Variants in TDRD12 observed in about 807,000 individuals in gnomAD.
TDRD12 encodes the protein tudor domain containing 12, also known as putative ATP-dependent RNA helicase TDRD12.
In TDRD12, 158 loss-of-function variants were observed where a neutral mutation model predicts 133.5. That is an observed-to-expected ratio of 1.18 (90% CI 1.04 to 1.35). TDRD12 has a LOEUF of 1.35. Ranked by LOEUF, TDRD12 falls within the 40% of genes most tolerant of loss-of-function variation. TDRD12 has a pLI of 0.00. For synonymous variants in TDRD12, 460 were observed against 477.9 expected (o/e 0.96, Z 0.49); for missense variants, 1,443 against 1,321.3 (o/e 1.09, Z -1.43).
At chr19:32,756,368 C>T (rs548475481) in intron 7 of TDRD12, among the ~76,000 whole-genome samples, 187 bp downstream of exon 7, 27 of 151,764 alleles carry the variant, frequency 1.8e-4, no homozygotes, top group Non-Finnish European at 3.1e-4. Flanking sequence ...GTTTATGAGA[C>T]CAGGAAAAAA....
chr19:32,769,727 C>T (rs1013332920), intron 8 of TDRD12, among the ~76,000 whole-genome samples: 12 of 152,072 alleles, frequency 7.9e-5, no homozygotes, highest in African/African-American at 2.9e-4. Context: ...ACCTCCGCCT[C>T]CTGGATTCAA....
Position 32,811,271 on chromosome 19 carries a change from G to T in TDRD12, c.2899G>T (p.Glu967Ter). The T allele has an allele frequency of 6.5e-7, 1 of 1,536,134 alleles. No individual in the cohort carries two copies. The highest frequency in any genetic ancestry group is 1.2e-5 in the South Asian group (1 of 84,060). The change falls in exon 24 of 28, where the codon GAG becomes TAG. Residue 967 changes from glutamate (E) to a stop codon, truncating the protein, a stop_gained. Coordinates refer to ENST00000444215, the Ensembl canonical transcript of TDRD12. LOFTEE classifies it high-confidence loss of function. The stretch of plus-strand genomic sequence containing the variant: ...CTGGGCCCTGGATGACATCCTTGTA[G>T]AGTTCATCGATGAAGGCAGGACGGG...
intron 4 of TDRD12, among the ~76,000 whole-genome samples, chr19:32,746,887 TGTGA>T (rs1458394400): frequency 2.1e-5 from 3 of 142,562 alleles, no homozygotes; most frequent in African/African-American, 8.1e-5. Context: ...TGTGTGTGTG[TGTGA>T]GAGAGAGAGA....
exon 23 of TDRD12, chr19:32,810,175 A>G: frequency 2.0e-6 from 3 of 1,535,888 alleles, no homozygotes; most frequent in Non-Finnish European, 2.6e-6. Context: ...GCAACTCTCA[A>G]TGCTGAAATG....
chr19:32,827,130 T>G, intron 9 of TDRD12, 34 bp from the exon 33 acceptor site: 1 of 1,142,658 alleles, frequency 8.8e-7, no homozygotes, highest in Non-Finnish European at 1.1e-6. Flanking sequence ...CTGATTAGTC[T>G]ACACTTATTT....
At chr19:32,780,869 T>A (rs777882758) in intron 11 of TDRD12, among the ~76,000 whole-genome samples, 11 of 151,240 alleles carry the variant, frequency 7.3e-5, no homozygotes, top group Non-Finnish European at 1.3e-4. Context: ...GCAATCCTCC[T>A]GCCTCAACCT....
exon 7 of TDRD12, chr19:32,756,065 A>G: frequency 1.3e-6 from 2 of 1,482,886 alleles, no homozygotes; most frequent in South Asian, 2.8e-5. Flanking sequence ...AAAAACCTTG[A>G]TTATTTAGAA....
chr19:32,780,282 C>T (rs895421264), intron 11 of TDRD12, among the ~76,000 whole-genome samples: 2 of 152,014 alleles, frequency 1.3e-5, no homozygotes, highest in African/African-American at 4.8e-5. Context: ...GACGGGGTTT[C>T]GCCATGATGG....
rs764139506 is a variant in TDRD12 at position 32,810,259 on chromosome 19, A to G, written c.2819A>G (p.Glu940Gly). The change falls in exon 23 of 28, where the codon GAA (glutamate) becomes GGA (glycine). Residue 940 changes from glutamate (E) to glycine (G), a missense_variant. Physicochemically the swap from Glu to Gly is moderately conservative, Grantham distance 98. Transcript: ENST00000444215. Reference sequence around the variant, plus strand: ...AAGTTTGGATTGTATGGATTAGCAGAAAAAACGCTTTTTCACAGGTAACAC... The same window carrying G: ...AAGTTTGGATTGTATGGATTAGCAGGAAAAACGCTTTTTCACAGGTAACAC... 9.9e-6 allele frequency: 15 copies of G among 1,516,288 alleles called. No homozygotes were observed. In the East Asian group the frequency reaches 3.7e-4, roughly 37 times the overall value. The allele number at this position is 1,516,288 out of a possible 1,614,324, so 93.9% of individuals were successfully genotyped here. A position where few individuals can be genotyped will look rare whatever the true frequency, so the allele number is the denominator to read the frequency against.
chr19:32,727,368 C>A (rs1029224693), intron 1 of TDRD12, among the ~76,000 whole-genome samples: 1 of 152,132 alleles, frequency 6.6e-6, no homozygotes, highest in Non-Finnish European at 1.5e-5. Flanking sequence ...GGGTATTAAT[C>A]CCTTATGAGA....
exon 2 of TDRD12, chr19:32,731,861 C>T: frequency 6.5e-7 from 1 of 1,546,460 alleles, no homozygotes; most frequent in East Asian, 2.5e-5. Flanking sequence ...GAAATAAAAC[C>T]CTTAACATTG....
At chr19:32,722,766 G>T (rs139303667) in intron 1 of TDRD12, among the ~76,000 whole-genome samples, 1 of 149,314 alleles carries the variant, frequency 6.7e-6, no homozygotes, top group Non-Finnish European at 1.5e-5. Flanking sequence ...TGCAACCTCC[G>T]CCTCCCGAGT....
At chr19:32,781,346 T>C (rs1476786528) in intron 11 of TDRD12, among the ~76,000 whole-genome samples, 1 of 152,230 alleles carries the variant, frequency 6.6e-6, no homozygotes, top group Non-Finnish European at 1.5e-5. Flanking sequence ...CCTTTCTGCC[T>C]GCTTTGGTTT....
chr19:32,821,369 A>AGAGTGTGT, downstream of TDRD12: 1 of 350,576 alleles, frequency 2.9e-6, no homozygotes, highest in Non-Finnish European at 5.3e-6. Flanking sequence ...AGCTCAGCAG[A>AGAGTGTGT]GTGTGTGTGT....
At chr19:32,734,985 G>A (rs1404786842) in intron 2 of TDRD12, among the ~76,000 whole-genome samples, 2 of 152,168 alleles carry the variant, frequency 1.3e-5, no homozygotes, top group African/African-American at 4.8e-5. Context: ...ATAAATGTGT[G>A]TTCTGACTGC....
chr19:32,762,503 GT>G (rs952501971), intron 8 of TDRD12, among the ~76,000 whole-genome samples: 16 of 152,260 alleles, frequency 1.1e-4, no homozygotes, highest in African/African-American at 3.9e-4. Context: ...CGCTAGAGAA[GT>G]TTTTGGGAGC....
At chr19:32,821,369 A>AGTGTGTGTGTGTGT (rs59054756), downstream of TDRD12, 13 of 351,582 alleles carry the variant, frequency 3.7e-5, no homozygotes, top group Non-Finnish European at 6.3e-5. Context: ...AGCTCAGCAG[A>AGTGTGTGTGTGTGT]GTGTGTGTGT....
intron 22 of TDRD12, among the ~76,000 whole-genome samples, 191 bp from the exon 23 acceptor site, chr19:32,809,900 CTA>C (rs1270845367): frequency 1.3e-5 from 2 of 152,098 alleles, no homozygotes; most frequent in Admixed American, 1.3e-4. Flanking sequence ...TAAAGTGAAA[CTA>C]ATTCTTTATG....
At chr19:32,780,208 C>T (rs1028020722) in intron 11 of TDRD12, among the ~76,000 whole-genome samples, 6 of 151,906 alleles carry the variant, frequency 3.9e-5, no homozygotes, top group Non-Finnish European at 7.4e-5. Flanking sequence ...CTCAGCCTCC[C>T]GAGTAGCTGG....
Sources: allele counts gnomAD v4.1 joint callset (sites outside exome capture counted in the v4.1 genomes callset), GRCh38; gene constraint gnomAD v4.1.1; transcripts MANE v1.5; gene names NCBI Gene and HGNC (gene_info 2026-07-23, HGNC 2026-07-21).